The following TTC28 variants were observed in gnomAD, a reference collection of about 807,000 sequenced individuals.
TTC28 encodes tetratricopeptide repeat domain 28, also known as tetratricopeptide repeat protein 28.
A neutral mutation model predicts 198.0 loss-of-function variants in TTC28; 61 were observed. The observed-to-expected ratio is 0.31, with a 90% CI of 0.25 to 0.38. TTC28 has a LOEUF of 0.38. Among genes scored for constraint, TTC28 ranks in the 10% least tolerant of loss-of-function variants. TTC28 has a pLI of 1.00. For synonymous variants in TTC28, 1,171 were observed against 1,297.8 expected (o/e 0.90, Z 2.10); for missense variants, 2,678 against 3,164.0 (o/e 0.85, Z 3.69).
At chr22:28,303,582 A>C (rs1367257085) in intron 3 of TTC28, among the ~76,000 whole-genome samples, 1 of 152,202 alleles carries the variant, frequency 6.6e-6, no homozygotes, top group Admixed American at 6.5e-5. Context: ...TAACGTATTT[A>C]TATGGGAGAA....
chr22:28,613,917 C>T (rs2050860089), intron 2 of TTC28, among the ~76,000 whole-genome samples: 1 of 152,154 alleles, frequency 6.6e-6, no homozygotes, highest in African/African-American at 2.4e-5. Context: ...CACTCCTATT[C>T]AACACAGTAT....
intron 2 of TTC28, among the ~76,000 whole-genome samples, chr22:28,377,867 T>C (rs1272924008): frequency 1.3e-5 from 2 of 151,704 alleles, no homozygotes; most frequent in Non-Finnish European, 2.9e-5. Context: ...AATAAACCAA[T>C]AAAAATGAAA....
intron 12 of TTC28, among the ~76,000 whole-genome samples, chr22:28,086,958 C>A (rs565971020): frequency 6.6e-6 from 1 of 152,042 alleles, no homozygotes; most frequent in Non-Finnish European, 1.5e-5. Context: ...AAGACTAAAC[C>A]AGGAAGAAGT....
chr22:28,330,918 T>G (rs1248819988), intron 2 of TTC28, among the ~76,000 whole-genome samples: 2 of 152,178 alleles, frequency 1.3e-5, no homozygotes, highest in African/African-American at 2.4e-5. Flanking sequence ...ATTCCAAAAT[T>G]GTATTTTTAG....
intron 12 of TTC28, among the ~76,000 whole-genome samples, chr22:28,051,410 G>T (rs1403733423): frequency 1.3e-5 from 2 of 152,212 alleles, no homozygotes; most frequent in Non-Finnish European, 2.9e-5. Flanking sequence ...ACAAGTCAAA[G>T]TAATATAGGA....
At chr22:28,186,291 T>TA (rs1924199635) in intron 5 of TTC28, among the ~76,000 whole-genome samples, 1 of 152,168 alleles carries the variant, frequency 6.6e-6, no homozygotes, top group Non-Finnish European at 1.5e-5. Context: ...AGATGCATGT[T>TA]ATTTGATTAA....
chr22:28,256,017 A>G (rs1930887047), intron 5 of TTC28, among the ~76,000 whole-genome samples: 3 of 152,156 alleles, frequency 2.0e-5, no homozygotes, highest in African/African-American at 7.2e-5. Context: ...TAGTCAGGAA[A>G]TGTCAGTCAT....
chr22:28,367,781 G>A (rs1277811177), intron 2 of TTC28, among the ~76,000 whole-genome samples: 3 of 151,908 alleles, frequency 2.0e-5, no homozygotes, highest in East Asian at 3.9e-4. Flanking sequence ...AGGCTGCTAT[G>A]AACAACTATA....
At chr22:28,672,933 T>C (rs1479920322) in intron 1 of TTC28, among the ~76,000 whole-genome samples, 1 of 152,258 alleles carries the variant, frequency 6.6e-6, no homozygotes, top group East Asian at 1.9e-4. Context: ...TATAGTAATC[T>C]GGAATGTGAT....
chr22:28,215,783 A>C (rs997137608), intron 5 of TTC28, among the ~76,000 whole-genome samples: 3 of 152,214 alleles, frequency 2.0e-5, no homozygotes, highest in Non-Finnish European at 4.4e-5. Flanking sequence ...TATAACAATC[A>C]AATGAAATAA....
intron 3 of TTC28, 65 bp downstream of exon 3, chr22:28,306,431 T>C: frequency 6.7e-7 from 1 of 1,500,024 alleles, no homozygotes; most frequent in Non-Finnish European, 8.9e-7. Flanking sequence ...GAGCCTAAAG[T>C]CTTGGAAGGC....
chr22:28,467,481 T>C (rs865902315), intron 2 of TTC28, among the ~76,000 whole-genome samples: 1 of 152,218 alleles, frequency 6.6e-6, no homozygotes, highest in South Asian at 2.1e-4. Context: ...TATTGATTTG[T>C]TGGCATCTAC....
intron 3 of TTC28, among the ~76,000 whole-genome samples, chr22:28,299,542 A>C (rs888286795): frequency 4.6e-5 from 7 of 152,242 alleles, no homozygotes; most frequent in Non-Finnish European, 1.0e-4. Flanking sequence ...GGTTAAGTAC[A>C]GGCACAAGAA....
chr22:28,329,669 T>C (rs887415872), intron 2 of TTC28, among the ~76,000 whole-genome samples: 27 of 152,298 alleles, frequency 1.8e-4, no homozygotes, highest in African/African-American at 6.0e-4. Context: ...TTTCCCATTT[T>C]CTTTCTCTGT....
intron 2 of TTC28, among the ~76,000 whole-genome samples, chr22:28,547,096 AG>A (rs2049559798): frequency 6.6e-6 from 1 of 152,214 alleles, no homozygotes; most frequent in Non-Finnish European, 1.5e-5. Flanking sequence ...TTCATTTGTT[AG>A]GTTCATTGAG....
At chr22:28,189,435 C>A (rs999299313) in intron 5 of TTC28, among the ~76,000 whole-genome samples, 6 of 151,346 alleles carry the variant, frequency 4.0e-5, no homozygotes, top group African/African-American at 1.5e-4. Context: ...GAGGATCGAC[C>A]CAAGCAGCCT....
intron 6 of TTC28, among the ~76,000 whole-genome samples, chr22:28,151,846 T>C (rs1326257676): frequency 6.6e-6 from 1 of 152,208 alleles, no homozygotes; most frequent in African/African-American, 2.4e-5. Flanking sequence ...TCCCTTTTCA[T>C]GGCCCTTAAT....
chr22:28,420,593 TTTGTTG>T (rs1017570854), intron 2 of TTC28, among the ~76,000 whole-genome samples: 55 of 151,910 alleles, frequency 3.6e-4, no homozygotes, highest in African/African-American at 1.2e-3. Flanking sequence ...AGGTGTTTTT[TTTGTTG>T]TTGTTGTTGT....
intron 1 of TTC28, among the ~76,000 whole-genome samples, chr22:28,656,909 A>T (rs868001842): frequency 1.4e-4 from 21 of 152,112 alleles, no homozygotes; most frequent in African/African-American, 1.9e-4. Flanking sequence ...AGTATAATTT[A>T]AAAAAATACA....
Sources: allele counts gnomAD v4.1 joint callset (sites outside exome capture counted in the v4.1 genomes callset), GRCh38; gene constraint gnomAD v4.1.1; transcripts MANE v1.5; gene names NCBI Gene and HGNC (gene_info 2026-07-23, HGNC 2026-07-21).